Variants in SLC9A9 observed in about 807,000 individuals in gnomAD.
The protein encoded by SLC9A9 is solute carrier family 9 member A9, also known as sodium/hydrogen exchanger 9.
SLC9A9 carries 62 observed loss-of-function variants against 77.8 expected under a neutral mutation model. That is an observed-to-expected ratio of 0.80 (90% CI 0.65 to 0.98). SLC9A9 has a LOEUF of 0.98. Among genes scored for constraint, SLC9A9 ranks in the 50% least tolerant of loss-of-function variants. The pLI is 0.00. For missense variants in SLC9A9, 775 were observed against 774.9 expected, an observed-to-expected ratio of 1.00 and a Z score of 0.00; for synonymous variants, 320 against 283.5, an observed-to-expected ratio of 1.13 and a Z score of -1.29.
At chr3:143,779,051 A>T (rs1475690447) in intron 4 of SLC9A9, among the ~76,000 whole-genome samples, 2 of 152,190 alleles carry the variant, frequency 1.3e-5, no homozygotes, top group African/African-American at 4.8e-5. Flanking sequence ...TAATTTCTGG[A>T]TCTTGCTCCG....
At position 143,794,994 on chromosome 3, in the gene SLC9A9, C is replaced by T; in HGVS notation, c.533+7G>A. 6.2e-7 allele frequency: 1 copy of T among 1,613,604 alleles called. No homozygotes were observed. ...CACCTGCAACTTGAGCTCCGAATGT[C>T]ACTTACCCTATGACGATGCAGGAGA... On this transcript the variant is annotated splice_region_variant and intron_variant, in intron 4 of 15. Coordinates refer to ENST00000316549, the MANE Select transcript of SLC9A9 (RefSeq NM_173653.4).
intron 6 of SLC9A9, among the ~76,000 whole-genome samples, chr3:143,602,436 T>C (rs2037860681): frequency 6.6e-6 from 1 of 152,242 alleles, no homozygotes; most frequent in Non-Finnish European, 1.5e-5. Flanking sequence ...ACAGGTCAAT[T>C]GCTCGAAACA....
chr3:143,835,992 C>A (rs191698363), intron 1 of SLC9A9, among the ~76,000 whole-genome samples: 2 of 152,306 alleles, frequency 1.3e-5, no homozygotes, highest in African/African-American at 4.8e-5. Context: ...CAAGTCTGGG[C>A]GTCTGGGTAC....
intron 14 of SLC9A9, among the ~76,000 whole-genome samples, chr3:143,328,245 G>A (rs2108451895): frequency 6.6e-6 from 1 of 152,334 alleles, no homozygotes; most frequent in Admixed American, 6.5e-5. Context: ...GAAACTATGT[G>A]TGGGACATAT....
intron 9 of SLC9A9, among the ~76,000 whole-genome samples, chr3:143,499,055 G>A (rs574362365): frequency 1.7e-4 from 26 of 152,150 alleles, no homozygotes; most frequent in Admixed American, 5.9e-4. Flanking sequence ...TTCCCAAAGC[G>A]GTGGTATCAA....
chr3:143,638,729 G>A (rs2038570613), intron 6 of SLC9A9, among the ~76,000 whole-genome samples: 1 of 152,210 alleles, frequency 6.6e-6, no homozygotes, highest in African/African-American at 2.4e-5. Context: ...GTCAGGCCCT[G>A]CAGTCAGGCA....
chr3:143,746,010 C>T (rs1430163266), intron 4 of SLC9A9, among the ~76,000 whole-genome samples: 1 of 152,144 alleles, frequency 6.6e-6, no homozygotes, highest in Non-Finnish European at 1.5e-5. Context: ...CTCTGAGTTT[C>T]CAGGAAGAGA....
At chr3:143,688,916 GA>G (rs1225442180) in intron 5 of SLC9A9, among the ~76,000 whole-genome samples, 1 of 146,732 alleles carries the variant, frequency 6.8e-6, no homozygotes, top group African/African-American at 2.5e-5. Context: ...GACTCTACTG[GA>G]AAAGGGTATC....
At chr3:143,504,523 A>G (rs2035977809) in intron 9 of SLC9A9, among the ~76,000 whole-genome samples, 1 of 152,184 alleles carries the variant, frequency 6.6e-6, no homozygotes, top group Non-Finnish European at 1.5e-5. Flanking sequence ...ACGGTTCCCC[A>G]GTGACGCTTC....
intron 12 of SLC9A9, among the ~76,000 whole-genome samples, chr3:143,430,317 T>C (rs2034489097): frequency 6.6e-6 from 1 of 152,176 alleles, no homozygotes; most frequent in East Asian, 1.9e-4. Flanking sequence ...TAATGCTTTA[T>C]CACTTGGAAG....
At chr3:143,768,888 T>C (rs753948588) in intron 4 of SLC9A9, among the ~76,000 whole-genome samples, 4 of 152,232 alleles carry the variant, frequency 2.6e-5, no homozygotes, top group African/African-American at 4.8e-5. Context: ...ATGTTTTATA[T>C]TGACATATGA....
intron 2 of SLC9A9, among the ~76,000 whole-genome samples, chr3:143,797,244 A>G (rs961013122): frequency 1.0e-5 from 1 of 98,262 alleles, no homozygotes; most frequent in Non-Finnish European, 2.1e-5. Context: ...TTTTCCCCAA[A>G]TAAAATATTT....
At chr3:143,379,633 T>C (rs1353194477) in intron 13 of SLC9A9, among the ~76,000 whole-genome samples, 1 of 152,216 alleles carries the variant, frequency 6.6e-6, no homozygotes, top group African/African-American at 2.4e-5. Flanking sequence ...GCTGTATGTG[T>C]CCTCTACAGG....
At chr3:143,440,026 C>T (rs2034698963) in intron 12 of SLC9A9, among the ~76,000 whole-genome samples, 1 of 152,196 alleles carries the variant, frequency 6.6e-6, no homozygotes. Context: ...CAGAATTAAC[C>T]AATGCATACT....
At chr3:143,448,730 A>T (rs1396905473) in intron 12 of SLC9A9, among the ~76,000 whole-genome samples, 3 of 149,420 alleles carry the variant, frequency 2.0e-5, no homozygotes. Context: ...ATAATTTTAC[A>T]TGAATAAAAT....
At chr3:143,370,571 A>ACG (rs2033035498) in intron 13 of SLC9A9, among the ~76,000 whole-genome samples, 1 of 116,488 alleles carries the variant, frequency 8.6e-6, no homozygotes, top group Admixed American at 8.0e-5. Context: ...GTGCGCGCAC[A>ACG]CACACACACA....
chr3:143,377,977 G>T (rs1576458188), intron 13 of SLC9A9, among the ~76,000 whole-genome samples: 4 of 152,236 alleles, frequency 2.6e-5, no homozygotes, highest in Admixed American at 1.3e-4. Context: ...GCCTCTGCCA[G>T]ACTACCTCTC....
rs1295020038 is a variant in SLC9A9 at position 143,486,341 on chromosome 3, A to C, written c.1315+7312T>G. 2.0e-5 allele frequency among the ~76,000 whole-genome samples: 3 copies of C among 152,128 alleles called. No homozygotes were observed. In the East Asian group the frequency reaches 5.8e-4, roughly 29 times the overall value. ...TGCAGGGTGAAATGAAATAATACTA[A>C]GTAGTAACTTGAGCCATATGAAGAA... On this transcript the variant is annotated intron_variant, in intron 11 of 15. Transcript: ENST00000316549.
At chr3:143,759,478 T>A (rs1312037247) in intron 4 of SLC9A9, among the ~76,000 whole-genome samples, 1 of 152,062 alleles carries the variant, frequency 6.6e-6, no homozygotes, top group Non-Finnish European at 1.5e-5. Flanking sequence ...TCTCTTCAGG[T>A]CTATTGAAAG....
Sources: allele counts gnomAD v4.1 joint callset (sites outside exome capture counted in the v4.1 genomes callset), GRCh38; gene constraint gnomAD v4.1.1; transcripts MANE v1.5; gene names NCBI Gene and HGNC (gene_info 2026-07-23, HGNC 2026-07-21).